Variants in GABRG3 observed in about 807,000 individuals in gnomAD.
GABRG3 encodes gamma-aminobutyric acid type A receptor subunit gamma3.
Under a neutral mutation model 48.8 loss-of-function variants are expected in GABRG3, and 25 were observed. The ratio of observed to expected loss-of-function variants is 0.51; its 90% confidence interval spans 0.37 to 0.72. GABRG3 has a LOEUF of 0.72. Ranked by LOEUF, GABRG3 falls within the 30% of genes least tolerant of loss-of-function variation. GABRG3 has a pLI of 0.00. For missense variants in GABRG3, 394 were observed against 577.9 expected (o/e 0.68, Z 3.26); for synonymous variants, 227 against 217.6 (o/e 1.04, Z -0.38).
At chr15:27,211,949 C>T (rs1277922277) in intron 3 of GABRG3, among the ~76,000 whole-genome samples, 3 of 152,140 alleles carry the variant, frequency 2.0e-5, no homozygotes, top group African/African-American at 4.8e-5. Flanking sequence ...GCAGATCACT[C>T]GAGGGTCATC....
intron 2 of GABRG3, among the ~76,000 whole-genome samples, chr15:27,012,588 T>A (rs8036583): frequency 0.049 from 7,495 of 152,236 alleles, 609 homozygotes; most frequent in African/African-American, 0.17. Context: ...TTTTCAAGGC[T>A]GTATTAACTC....
In GABRG3 at chr15:27,174,584, GTCTCTC is replaced by G. The variant is rs150022606; in HGVS notation, c.270+147792_270+147797del. Reference sequence around the variant, plus strand: ...GGACCAGTGACTGCCTCTCTCTCTCGTCTCTCTCTCTCTCTCTCTCTCTCTCTCTCT... The same window carrying G: ...GGACCAGTGACTGCCTCTCTCTCTCGTCTCTCTCTCTCTCTCTCTCTCTCT... On this transcript the variant is annotated intron_variant, in intron 3 of 9. Transcript: ENST00000615808. 9.0e-3 allele frequency among the ~76,000 whole-genome samples: 1,262 copies of G among 139,738 alleles called. 5 individuals carry two copies. The highest frequency in any genetic ancestry group is 0.011 in the Non-Finnish European group (732 of 64,176). 91.7% of individuals were successfully genotyped at this position (139,738 alleles called of 152,430 possible). A position where few individuals can be genotyped will look rare whatever the true frequency, so the allele number is the denominator to read the frequency against.
intron 5 of GABRG3, among the ~76,000 whole-genome samples, chr15:27,388,157 AGAAAG>A (rs1163247391): frequency 6.1e-5 from 3 of 49,580 alleles, no homozygotes; most frequent in Non-Finnish European, 6.8e-5. Flanking sequence ...GAAGGAAGGA[AGAAAG>A]GAAGGAAGGA....
chr15:27,324,614 C>T (rs1033335541), intron 3 of GABRG3, among the ~76,000 whole-genome samples: 13 of 152,210 alleles, frequency 8.5e-5, no homozygotes, highest in Admixed American at 3.3e-4. Flanking sequence ...AGGCAGGCAA[C>T]GGTACCATTC....
intron 3 of GABRG3, among the ~76,000 whole-genome samples, chr15:27,129,100 G>A (rs1156721827): frequency 3.3e-5 from 5 of 152,162 alleles, no homozygotes; most frequent in Non-Finnish European, 7.3e-5. Flanking sequence ...TGAGGGTATA[G>A]TTCAGTGTCA....
intron 3 of GABRG3, among the ~76,000 whole-genome samples, chr15:27,228,372 A>G (rs1889690813): frequency 6.6e-6 from 1 of 152,186 alleles, no homozygotes; most frequent in Admixed American, 6.5e-5. Context: ...AGCTCCATGC[A>G]TGTTCCCGCA....
intron 3 of GABRG3, among the ~76,000 whole-genome samples, chr15:27,120,716 T>C (rs2140376107): frequency 1.3e-5 from 2 of 152,268 alleles, no homozygotes; most frequent in East Asian, 1.9e-4. Flanking sequence ...AGGCCAATTC[T>C]TGAAGGCCAT....
intron 2 of GABRG3, among the ~76,000 whole-genome samples, chr15:26,991,226 T>A (rs1162883009): frequency 6.6e-6 from 1 of 152,232 alleles, no homozygotes; most frequent in African/African-American, 2.4e-5. Context: ...ATGAGTTCAC[T>A]GTAGGTGTAT....
intron 5 of GABRG3, among the ~76,000 whole-genome samples, chr15:27,443,565 T>G (rs750385234): frequency 6.6e-6 from 1 of 152,240 alleles, no homozygotes; most frequent in Non-Finnish European, 1.5e-5. Flanking sequence ...TAACCTTTTA[T>G]AGATAAATTA....
chr15:27,029,976 A>T (rs1595482057), intron 3 of GABRG3, among the ~76,000 whole-genome samples: 1 of 152,380 alleles, frequency 6.6e-6, no homozygotes, highest in Non-Finnish European at 1.5e-5. Context: ...CAATTTTAAA[A>T]GAAGTAAAGG....
intron 5 of GABRG3, among the ~76,000 whole-genome samples, chr15:27,334,981 A>G (rs575813077): frequency 2.0e-5 from 3 of 152,372 alleles, no homozygotes; most frequent in Admixed American, 6.5e-5. Context: ...ACACTTGCAA[A>G]CCAGAAATCT....
At chr15:27,525,494 G>A (rs766861071) in intron 7 of GABRG3, among the ~76,000 whole-genome samples, 1 of 151,932 alleles carries the variant, frequency 6.6e-6, no homozygotes, top group African/African-American at 2.4e-5. Context: ...AATGCCTAAG[G>A]TTTATTTTTC....
intron 5 of GABRG3, among the ~76,000 whole-genome samples, chr15:27,402,223 TC>T (rs1049078569): frequency 6.6e-6 from 1 of 152,206 alleles, no homozygotes; most frequent in Non-Finnish European, 1.5e-5. Context: ...GATGGGTATT[TC>T]AGAGTCTGGT....
At chr15:27,510,270 A>G (rs972530408) in intron 6 of GABRG3, among the ~76,000 whole-genome samples, 1 of 152,092 alleles carries the variant, frequency 6.6e-6, no homozygotes, top group African/African-American at 2.4e-5. Flanking sequence ...TTGTAAACCT[A>G]GTTCTTAGAG....
intron 5 of GABRG3, among the ~76,000 whole-genome samples, chr15:27,455,165 TTAGAAG>T (rs1889225552): frequency 1.3e-5 from 2 of 152,352 alleles, no homozygotes; most frequent in Non-Finnish European, 2.9e-5. Context: ...TTGTGAGGTC[TTAGAAG>T]GTGATACACT....
chr15:27,316,101 T>C (rs1399526778), intron 3 of GABRG3, among the ~76,000 whole-genome samples: 2 of 152,080 alleles, frequency 1.3e-5, no homozygotes, highest in African/African-American at 2.4e-5. Context: ...AATGCAAAAA[T>C]GGGCCGGGCG....
At chr15:27,039,070 G>A (rs1262355255) in intron 3 of GABRG3, among the ~76,000 whole-genome samples, 1 of 152,222 alleles carries the variant, frequency 6.6e-6, no homozygotes, top group Non-Finnish European at 1.5e-5. Context: ...GGGGACGAGT[G>A]GGCACTGATG....
rs1469484336 is a variant in GABRG3, at chr15:27,186,064, C to T, written c.271-140745C>T. Among the ~76,000 whole-genome samples, 4 of 144,132 alleles carry T rather than the reference C, an allele frequency of 2.8e-5. 1 individual carries two copies. In the South Asian group the frequency reaches 6.5e-4, roughly 24 times the overall value. 94.6% of individuals were successfully genotyped at this position (144,132 alleles called of 152,430 possible). Reference sequence around the variant, plus strand: ...TTATTGTAGAATCGGGATACATATGCAGGTTGGTAACAAAGGTATATTGTG... The same window carrying T: ...TTATTGTAGAATCGGGATACATATGTAGGTTGGTAACAAAGGTATATTGTG... On this transcript the variant is annotated intron_variant, in intron 3 of 9. Coordinates refer to ENST00000615808, the MANE Select transcript of GABRG3 (RefSeq NM_033223.5).
intron 3 of GABRG3, among the ~76,000 whole-genome samples, chr15:27,268,332 A>G (rs1214475222): frequency 6.6e-6 from 1 of 152,204 alleles, no homozygotes; most frequent in Non-Finnish European, 1.5e-5. Context: ...GTTCTTTAAA[A>G]TATCCTCTTA....
Sources: gnomAD v4.1 joint callset for allele counts (sites outside exome capture counted in the v4.1 genomes callset) on GRCh38, gnomAD v4.1.1 for gene constraint, MANE v1.5 for transcripts, NCBI Gene and HGNC (gene_info 2026-07-23, HGNC 2026-07-21) for gene names.